Variants in ZFPM2 observed in about 807,000 individuals in gnomAD.
ZFPM2 encodes the protein zinc finger protein ZFPM2.
A neutral mutation model predicts 98.6 loss-of-function variants in ZFPM2; 20 were observed. The observed-to-expected ratio is 0.20, with a 90% CI of 0.14 to 0.29. ZFPM2 has a LOEUF of 0.29. ZFPM2 is among the 10% of genes least tolerant of loss of function. The pLI, the probability that ZFPM2 is intolerant of heterozygous loss-of-function variation, is 1.00. For missense variants in ZFPM2, 1,310 were observed against 1,388.6 expected (o/e 0.94, Z 0.90); for synonymous variants, 518 against 502.7 (o/e 1.03, Z -0.41).
intron 5 of ZFPM2, among the ~76,000 whole-genome samples, chr8:105,728,957 G>C (rs1407741842): frequency 6.6e-6 from 1 of 151,642 alleles, no homozygotes; most frequent in African/African-American, 2.4e-5. Flanking sequence ...ATCTGTGTTG[G>C]ATAAGAAGGC....
chr8:105,467,820 G>A (rs775673602), intron 3 of ZFPM2, among the ~76,000 whole-genome samples: 1 of 151,864 alleles, frequency 6.6e-6, no homozygotes, highest in Admixed American at 6.6e-5. Flanking sequence ...CTAGTCTCCA[G>A]TCTCCAAGTC....
intron 3 of ZFPM2, among the ~76,000 whole-genome samples, chr8:105,449,573 C>A (rs1812445815): frequency 6.6e-6 from 1 of 151,890 alleles, no homozygotes; most frequent in South Asian, 2.1e-4. Context: ...AAACTTGCTG[C>A]TACGCTGATA....
At chr8:105,591,509 TA>T (rs1815842507) in intron 4 of ZFPM2, among the ~76,000 whole-genome samples, 1 of 152,154 alleles carries the variant, frequency 6.6e-6, no homozygotes, top group East Asian at 1.9e-4. Context: ...TTTGAGTCTT[TA>T]ATACAGTTTT....
chr8:105,497,231 C>T (rs1813488762), intron 3 of ZFPM2, among the ~76,000 whole-genome samples: 2 of 151,874 alleles, frequency 1.3e-5, no homozygotes, highest in Non-Finnish European at 2.9e-5. Context: ...GTGATCCACC[C>T]ACCTTGGCCT....
intron 4 of ZFPM2, among the ~76,000 whole-genome samples, chr8:105,570,796 C>A: frequency 6.6e-6 from 1 of 152,276 alleles, no homozygotes; most frequent in East Asian, 1.9e-4. Context: ...TATTTATGGA[C>A]CTAACTTACT....
intron 5 of ZFPM2, among the ~76,000 whole-genome samples, chr8:105,756,075 TA>T (rs1812588839): frequency 6.6e-6 from 1 of 152,186 alleles, no homozygotes; most frequent in Non-Finnish European, 1.5e-5. Context: ...TTCTGGGAGC[TA>T]AAAATGCTGC....
At chr8:105,593,731 AAC>A (rs1404375386) in intron 4 of ZFPM2, among the ~76,000 whole-genome samples, 1 of 151,878 alleles carries the variant, frequency 6.6e-6, no homozygotes, top group Non-Finnish European at 1.5e-5. Flanking sequence ...TAAAATATTG[AAC>A]ACACACACAA....
chr8:105,689,847 G>A (rs1392748894), intron 5 of ZFPM2, among the ~76,000 whole-genome samples: 2 of 152,156 alleles, frequency 1.3e-5, no homozygotes, highest in East Asian at 3.8e-4. Flanking sequence ...TTTTTAACTT[G>A]GAGGCTTTGC....
intron 3 of ZFPM2, among the ~76,000 whole-genome samples, chr8:105,477,285 C>T (rs1813032325): frequency 7.1e-6 from 1 of 140,306 alleles, no homozygotes; most frequent in South Asian, 2.3e-4. Context: ...AACTCTATCA[C>T]CTAGGCCAGA....
chr8:105,484,165 C>T (rs1388295654), intron 3 of ZFPM2, among the ~76,000 whole-genome samples: 3 of 151,968 alleles, frequency 2.0e-5, no homozygotes, highest in Non-Finnish European at 4.4e-5. Flanking sequence ...TTTCATTCAT[C>T]GATTTCAGAA....
intron 1 of ZFPM2, among the ~76,000 whole-genome samples, chr8:105,383,232 C>T (rs182845909): frequency 1.0e-3 from 157 of 152,170 alleles, no homozygotes; most frequent in Admixed American, 2.0e-3. Flanking sequence ...TATTAGCATA[C>T]GTTTTCCCCA....
intron 3 of ZFPM2, among the ~76,000 whole-genome samples, chr8:105,444,863 A>T (rs1812335522): frequency 6.6e-6 from 1 of 152,160 alleles, no homozygotes; most frequent in African/African-American, 2.4e-5. Context: ...TGATGAGGAA[A>T]ATTACATTTG....
chr8:105,747,556 G>T (rs148159650), intron 5 of ZFPM2, among the ~76,000 whole-genome samples: 1 of 152,088 alleles, frequency 6.6e-6, no homozygotes, highest in Non-Finnish European at 1.5e-5. Flanking sequence ...AAACACACTA[G>T]CTGATAATTT....
chr8:105,793,891 C>A (rs1462028949), intron 6 of ZFPM2, among the ~76,000 whole-genome samples: 4 of 151,712 alleles, frequency 2.6e-5, no homozygotes, highest in Non-Finnish European at 4.4e-5. Flanking sequence ...CTTCTGCATT[C>A]TTCACGTAGT....
chr8:105,634,563 C>T (rs1487438912), intron 5 of ZFPM2, among the ~76,000 whole-genome samples: 1 of 146,502 alleles, frequency 6.8e-6, no homozygotes, highest in Non-Finnish European at 1.5e-5. Flanking sequence ...AGTGACATAC[C>T]ATTAATTTAC....
Position 105,802,775 on chromosome 8 carries a change from C to T in ZFPM2, c.2693C>T (p.Pro898Leu). Reference sequence around the variant, plus strand: ...CTGGACGGCAAAGTGTTTCCGAATCCAGAAAGCGAACGAAACAGCCCTGAT... The same window carrying T: ...CTGGACGGCAAAGTGTTTCCGAATCTAGAAAGCGAACGAAACAGCCCTGAT... ...GQLDGKVFPN[P>L]ESERNSPDVS... is the part of the protein sequence containing the mutation. The change falls in exon 8 of 8, where the codon CCA becomes CTA. Residue 898 changes from proline to leucine, a missense_variant. Physicochemically the swap from Pro to Leu is moderately conservative, Grantham distance 98. Transcript: ENST00000407775. 4.3e-6 allele frequency: 7 copies of T among 1,613,574 alleles called. 1 individual carries two copies. The South Asian group carries it at 7.7e-5, about 18-fold the overall frequency.
intron 1 of ZFPM2, among the ~76,000 whole-genome samples, chr8:105,369,313 T>C (rs1051898354): frequency 1.3e-5 from 2 of 152,172 alleles, no homozygotes; most frequent in Admixed American, 1.3e-4. Context: ...TTTTATACTT[T>C]TAAGCATATC....
At chr8:105,736,837 A>G (rs1812083724) in intron 5 of ZFPM2, among the ~76,000 whole-genome samples, 1 of 152,108 alleles carries the variant, frequency 6.6e-6, no homozygotes. Context: ...ACTTGCAGAC[A>G]TTTCTCCTAT....
At chr8:105,414,826 G>A (rs1811649653) in intron 1 of ZFPM2, 1 of 151,946 alleles carries the variant, frequency 6.6e-6, no homozygotes, top group Non-Finnish European at 1.5e-5. Flanking sequence ...AGTGTATAGG[G>A]TTAGACTATT....
Sources: gnomAD v4.1 joint callset for allele counts (sites outside exome capture counted in the v4.1 genomes callset) on GRCh38, gnomAD v4.1.1 for gene constraint, MANE v1.5 for transcripts, NCBI Gene and HGNC (gene_info 2026-07-23, HGNC 2026-07-21) for gene names.